The following VAT1L variants were observed in gnomAD, a reference collection of about 807,000 sequenced individuals.
The protein encoded by VAT1L is vesicle amine transport 1 like.
A neutral mutation model predicts 44.1 loss-of-function variants in VAT1L; 34 were observed. The ratio of observed to expected loss-of-function variants is 0.77; its 90% CI spans 0.59 to 1.03. The LOEUF (loss-of-function observed/expected upper bound fraction) is 1.03. Ranked by LOEUF, VAT1L falls within the 50% of genes least tolerant of loss-of-function variation. The pLI is 0.00. For missense variants in VAT1L, 615 were observed against 538.8 expected, an observed-to-expected ratio of 1.14 and a Z score of -1.40; for synonymous variants, 253 against 202.2, an observed-to-expected ratio of 1.25 and a Z score of -2.13.
At position 77,862,874 on chromosome 16, in the gene VAT1L, G is replaced by C. The variant is rs373719090; in HGVS notation, c.706G>C (p.Val236Leu). The C allele has an allele frequency of 2.5e-6, 4 of 1,613,956 alleles. No homozygotes were observed. In the East Asian group the frequency reaches 8.9e-5, roughly 36 times the overall value. The change falls in exon 4 of 9, where the codon GTG becomes CTG. Residue 236 changes from valine (V) to leucine (L), a missense_variant. By Grantham distance (32) the Val-to-Leu change is conservative. Coordinates refer to ENST00000302536, the MANE Select transcript of VAT1L (RefSeq NM_020927.3). ...THLFDRNADY[V>L]QEVKRISAEG... ...CCTCTTTGACAGAAATGCAGACTAC[G>C]TGCAAGAAGTTAAAAGGTAAGATGT...
chr16:77,927,818 G>A (rs1022421761), intron 7 of VAT1L, among the ~76,000 whole-genome samples: 6 of 152,234 alleles, frequency 3.9e-5, no homozygotes, highest in South Asian at 2.1e-4. Flanking sequence ...ACAGTGAGCC[G>A]AGATCACGCC....
intron 7 of VAT1L, among the ~76,000 whole-genome samples, chr16:77,922,412 G>C (rs1010877532): frequency 1.3e-5 from 2 of 152,174 alleles, no homozygotes; most frequent in African/African-American, 2.4e-5. Context: ...GGGAGCCTAA[G>C]CCACTGTTAG....
rs758376335 is a variant in VAT1L, at chr16:77,879,248, G to A, written c.882+24G>A. The A allele has an allele frequency of 1.9e-6, 3 of 1,610,072 alleles. No homozygotes were observed. Among genetic ancestry groups the A allele is most frequent in the African/African-American group, 2.7e-5 (2 of 74,832 alleles). ...CAGTAAGTATCCAGGCACATCTGAT[G>A]TACTGTGGTGGCATGTTGATTCACA... On this transcript the variant is annotated intron_variant, in intron 6 of 8. Transcript: ENST00000302536. This position sits in a 1 kb window ranked among gnomAD's most constrained non-coding sequence, Gnocchi z 4.1.
chr16:77,913,940 A>T (rs1248921797), intron 7 of VAT1L, among the ~76,000 whole-genome samples: 1 of 152,200 alleles, frequency 6.6e-6, no homozygotes, highest in Non-Finnish European at 1.5e-5. Context: ...GCTCTTATTC[A>T]GCAACAACAT....
chr16:77,817,773 A>G (rs188077174), intron 2 of VAT1L, among the ~76,000 whole-genome samples: 3 of 152,368 alleles, frequency 2.0e-5, no homozygotes, highest in Admixed American at 2.0e-4. Context: ...AAACCAGTCT[A>G]TAAAAACTGA....
chr16:77,807,638 A>G (rs2016186827), intron 1 of VAT1L, among the ~76,000 whole-genome samples: 1 of 152,084 alleles, frequency 6.6e-6, no homozygotes, highest in Non-Finnish European at 1.5e-5. Context: ...TTCCCAGGGA[A>G]CCTGACCTAT....
At chr16:77,964,998 C>T (rs2018207875) in intron 7 of VAT1L, among the ~76,000 whole-genome samples, 1 of 151,716 alleles carries the variant, frequency 6.6e-6, no homozygotes, top group African/African-American at 2.4e-5. Context: ...CCATGTTGGT[C>T]AGGCTAGCCT....
At chr16:77,905,042 G>C (rs1256848344) in intron 7 of VAT1L, among the ~76,000 whole-genome samples, 1 of 152,180 alleles carries the variant, frequency 6.6e-6, no homozygotes, top group Non-Finnish European at 1.5e-5. Context: ...AACAAGGAGA[G>C]AGGTTCCTAG....
chr16:77,946,648 ATGTT>A (rs897267188), intron 7 of VAT1L, among the ~76,000 whole-genome samples: 1 of 152,210 alleles, frequency 6.6e-6, no homozygotes, highest in Non-Finnish European at 1.5e-5. Context: ...TATATCTAAA[ATGTT>A]TGTTGTAGCT....
intron 3 of VAT1L, among the ~76,000 whole-genome samples, chr16:77,826,053 A>T (rs2145247209): frequency 7.5e-6 from 1 of 132,688 alleles, no homozygotes; most frequent in East Asian, 2.5e-4. Context: ...AAAAAAAGAA[A>T]GAAATTAGCC....
intron 7 of VAT1L, among the ~76,000 whole-genome samples, chr16:77,923,899 A>G (rs887636088): frequency 2.0e-5 from 3 of 152,184 alleles, no homozygotes; most frequent in African/African-American, 7.2e-5. Flanking sequence ...TGTCAAGCTG[A>G]CTGTCTCTCC....
At chr16:77,893,650 C>A (rs1414391506) in intron 7 of VAT1L, among the ~76,000 whole-genome samples, 3 of 152,188 alleles carry the variant, frequency 2.0e-5, no homozygotes, top group Admixed American at 6.5e-5. Context: ...AGGCATTGTT[C>A]TAAGTGCTTT....
At chr16:77,830,254 T>A (rs2016564871) in intron 3 of VAT1L, among the ~76,000 whole-genome samples, 1 of 152,200 alleles carries the variant, frequency 6.6e-6, no homozygotes, top group Admixed American at 6.5e-5. Context: ...TGCCTTTTCA[T>A]ATGCTGTTTT....
chr16:77,970,773 G>T (rs2018270424), intron 7 of VAT1L, among the ~76,000 whole-genome samples: 1 of 152,208 alleles, frequency 6.6e-6, no homozygotes, highest in Admixed American at 6.5e-5. Context: ...TAATAGCTGT[G>T]TCAAGTTGTT....
rs535261975 is a variant in VAT1L, at chr16:77,968,479, A to G, written c.1078-3371A>G. Among the ~76,000 whole-genome samples the G allele has an allele frequency of 3.0e-4, 45 of 152,200 alleles. 1 individual carries two copies. The highest frequency in any genetic ancestry group is 8.8e-5 in the Non-Finnish European group (6 of 68,038). On this transcript the variant is annotated intron_variant, in intron 7 of 8. Transcript: ENST00000302536. ...GGTGGCTCACGCCTGTAATCCCAGCACTTTGGGAGGCCAAGGCAGGCGGAT... is the reference window on the plus strand; with the variant it reads ...GGTGGCTCACGCCTGTAATCCCAGCGCTTTGGGAGGCCAAGGCAGGCGGAT...
At chr16:77,934,423 T>G (rs952008243) in intron 7 of VAT1L, among the ~76,000 whole-genome samples, 1 of 152,020 alleles carries the variant, frequency 6.6e-6, no homozygotes, top group Non-Finnish European at 1.5e-5. Context: ...CTGGGGAGAT[T>G]TGAGCCAAGG....
At chr16:77,945,113 T>A (rs1371318752) in intron 7 of VAT1L, among the ~76,000 whole-genome samples, 2 of 152,046 alleles carry the variant, frequency 1.3e-5, no homozygotes, top group Admixed American at 1.3e-4. Context: ...GAGTGTTCAA[T>A]TTCAGAACCA....
At chr16:77,965,833 T>C (rs907637425) in intron 7 of VAT1L, among the ~76,000 whole-genome samples, 1 of 152,176 alleles carries the variant, frequency 6.6e-6, no homozygotes, top group Admixed American at 6.5e-5. Context: ...TTTCATTCAT[T>C]CATTCATCCC....
At chr16:77,962,635 C>G (rs2018172975) in intron 7 of VAT1L, among the ~76,000 whole-genome samples, 1 of 151,920 alleles carries the variant, frequency 6.6e-6, no homozygotes, top group Non-Finnish European at 1.5e-5. Context: ...GTAATCCCAG[C>G]ACATCAGGAG....
Sources: gnomAD v4.1 joint callset for allele counts (sites outside exome capture counted in the v4.1 genomes callset) on GRCh38, gnomAD v4.1.1 for gene constraint, Gnocchi (gnomAD v3.1) non-coding constraint, MANE v1.5 for transcripts, NCBI Gene and HGNC (gene_info 2026-07-23, HGNC 2026-07-21) for gene names.